The following PPP3CA variants were observed in gnomAD, a reference collection of about 807,000 sequenced individuals.
PPP3CA encodes CAM-PRP catalytic subunit.
PPP3CA carries 14 observed loss-of-function variants against 66.5 expected under a neutral mutation model. That is an observed-to-expected ratio of 0.21 (90% CI 0.14 to 0.33). The LOEUF (loss-of-function observed/expected upper bound fraction) is 0.33. Among genes scored for constraint, PPP3CA ranks in the 10% least tolerant of loss-of-function variants. The probability of loss-of-function intolerance (pLI) is 1.00; values close to 1 mark genes in which losing one functional copy is unlikely to be tolerated. For synonymous variants in PPP3CA, 232 were observed against 226.2 expected, an observed-to-expected ratio of 1.03 and a Z score of -0.23; for missense variants, 317 against 639.5, an observed-to-expected ratio of 0.50 and a Z score of 5.44.
chr4:101,304,747 A>T (rs1029106518), intron 1 of PPP3CA, among the ~76,000 whole-genome samples: 1 of 152,236 alleles, frequency 6.6e-6, no homozygotes, highest in Non-Finnish European at 1.5e-5. Context: ...TAAAACTTCT[A>T]TTCAATTATT....
At chr4:101,330,739 C>A (rs951010900) in intron 1 of PPP3CA, among the ~76,000 whole-genome samples, 1 of 151,918 alleles carries the variant, frequency 6.6e-6, no homozygotes, top group South Asian at 2.1e-4. Context: ...AAAAAGGCAA[C>A]GTCTACAAAA....
Position 101,340,613 on chromosome 4 carries a change from A to T in PPP3CA, c.58+6126T>A, listed in dbSNP as rs1032702915. Among the ~76,000 whole-genome samples the T allele has an allele frequency of 3.3e-5, 5 of 152,228 alleles. No homozygotes were observed. In the East Asian group the frequency reaches 9.6e-4, roughly 29 times the overall value. On this transcript the variant is annotated intron_variant, in intron 1 of 13. Transcript: ENST00000394854. ...TGAAATATAATTGATGGATTCATAT[A>T]AAAGATGGAATTATTGTAAAATAAA...
At chr4:101,193,437 C>T (rs1166949490) in intron 2 of PPP3CA, among the ~76,000 whole-genome samples, 1 of 152,032 alleles carries the variant, frequency 6.6e-6, no homozygotes. Context: ...AATTAAAAAT[C>T]TGAAACAGCT....
At chr4:101,117,285 C>A (rs905612805) in intron 2 of PPP3CA, among the ~76,000 whole-genome samples, 2 of 151,966 alleles carry the variant, frequency 1.3e-5, no homozygotes, top group East Asian at 3.9e-4. Flanking sequence ...GGAAACAAAA[C>A]AGAATAGTCT....
At chr4:101,054,400 C>G (rs1170028390) in intron 10 of PPP3CA, among the ~76,000 whole-genome samples, 1 of 152,034 alleles carries the variant, frequency 6.6e-6, no homozygotes, top group Admixed American at 6.6e-5. Context: ...GATTCTGTGA[C>G]TATTTGAAAG....
chr4:101,305,380 C>T (rs1387340514), intron 1 of PPP3CA, among the ~76,000 whole-genome samples: 1 of 152,140 alleles, frequency 6.6e-6, no homozygotes, highest in Non-Finnish European at 1.5e-5. Context: ...TTTGAAAGTA[C>T]CACACAGTGT....
chr4:101,075,540 G>A (rs1391755609), intron 8 of PPP3CA, among the ~76,000 whole-genome samples: 1 of 152,142 alleles, frequency 6.6e-6, no homozygotes, highest in Non-Finnish European at 1.5e-5. Flanking sequence ...TGTACCACAT[G>A]GAAACCTACT....
chr4:101,238,079 C>T (rs1726183084), intron 1 of PPP3CA, among the ~76,000 whole-genome samples: 1 of 152,048 alleles, frequency 6.6e-6, no homozygotes, highest in Non-Finnish European at 1.5e-5. Flanking sequence ...ATCTTACATT[C>T]TGTTTCTCGG....
At position 101,278,122 on chromosome 4, in the gene PPP3CA, T is replaced by TAAAAAAAAAAAAAAAAA. The variant is rs3077992; in HGVS notation, c.58+68600_58+68616dup. 1.4e-3 allele frequency among the ~76,000 whole-genome samples: 152 copies of TAAAAAAAAAAAAAAAAA among 112,090 alleles called. 1 individual carries two copies. The highest frequency in any genetic ancestry group is 6.2e-3 in the African/African-American group (141 of 22,606). 73.5% of individuals were successfully genotyped at this position (112,090 alleles called of 152,430 possible). On this transcript the variant is annotated intron_variant, in intron 1 of 13. Coordinates refer to ENST00000394854, the MANE Select transcript of PPP3CA (RefSeq NM_000944.5). ...AAAATGAAACTTTAAAAGCTATTAG[T>TAAAAAAAAAAAAAAAAA]AAAAAAAAAAAAAAAAATAAAAAAA...
intron 2 of PPP3CA, among the ~76,000 whole-genome samples, chr4:101,112,970 C>A (rs1721722261): frequency 6.6e-6 from 1 of 152,066 alleles, no homozygotes; most frequent in Admixed American, 6.6e-5. Flanking sequence ...CTACGCTATG[C>A]TTAATTTGAA....
intron 1 of PPP3CA, among the ~76,000 whole-genome samples, chr4:101,276,536 A>G (rs1196246556): frequency 6.6e-6 from 1 of 152,104 alleles, no homozygotes; most frequent in Non-Finnish European, 1.5e-5. Context: ...TTTCCTCACT[A>G]GCTTTTCCCC....
chr4:101,189,331 T>C (rs1270929136), intron 2 of PPP3CA, among the ~76,000 whole-genome samples: 1 of 152,132 alleles, frequency 6.6e-6, no homozygotes, highest in Non-Finnish European at 1.5e-5. Context: ...AAAACCATAA[T>C]GCATGTTTAT....
chr4:101,108,472 A>G (rs1466108862), intron 3 of PPP3CA, among the ~76,000 whole-genome samples: 2 of 152,248 alleles, frequency 1.3e-5, no homozygotes, highest in African/African-American at 4.8e-5. Context: ...CTATTAAAAA[A>G]TATGGGAATC....
At chr4:101,314,039 AT>A (rs1294068859) in intron 1 of PPP3CA, among the ~76,000 whole-genome samples, 1 of 152,212 alleles carries the variant, frequency 6.6e-6, no homozygotes, top group Non-Finnish European at 1.5e-5. Context: ...CTGTCAAATA[AT>A]TTTAAAAGAA....
intron 2 of PPP3CA, among the ~76,000 whole-genome samples, chr4:101,116,474 G>A (rs1458121737): frequency 6.6e-6 from 1 of 151,748 alleles, no homozygotes; most frequent in Non-Finnish European, 1.5e-5. Flanking sequence ...GAAAGATTTT[G>A]TTTAGAGGTT....
chr4:101,093,402 A>AT (rs1364877871), intron 6 of PPP3CA, among the ~76,000 whole-genome samples: 3 of 142,898 alleles, frequency 2.1e-5, no homozygotes, highest in South Asian at 4.8e-4. Context: ...AGGTATGTAC[A>AT]TTTGTTTTTT....
chr4:101,189,929 C>T (rs1314491685), intron 2 of PPP3CA, among the ~76,000 whole-genome samples: 2 of 151,840 alleles, frequency 1.3e-5, no homozygotes, highest in Non-Finnish European at 2.9e-5. Context: ...CATTATAGTC[C>T]ATACATGTTA....
Position 101,080,634 on chromosome 4 carries a change from G to C in PPP3CA, c.861-8C>G. 6.9e-7 allele frequency: 1 copy of C among 1,445,396 alleles called. No individual in the cohort carries two copies. Among genetic ancestry groups the C allele is most frequent in the Non-Finnish European group, 9.3e-7 (1 of 1,071,492 alleles). 89.5% of individuals were successfully genotyped at this position (1,445,396 alleles called of 1,614,324 possible). On this transcript the variant is annotated splice_polypyrimidine_tract_variant and splice_region_variant and intron_variant, in intron 7 of 13. Coordinates refer to ENST00000394854, the MANE Select transcript of PPP3CA (RefSeq NM_000944.5). ...TTCCTGTACATGCGGTACCTAAAAA[G>C]AACAAATACAGTCAAAACAAAGCTT...
intron 2 of PPP3CA, among the ~76,000 whole-genome samples, chr4:101,155,180 C>A (rs1723278748): frequency 6.6e-6 from 1 of 152,148 alleles, no homozygotes; most frequent in African/African-American, 2.4e-5. Flanking sequence ...AACAAAAAAA[C>A]TACCTTAATC....
Sources: allele counts gnomAD v4.1 joint callset (sites outside exome capture counted in the v4.1 genomes callset), GRCh38; gene constraint gnomAD v4.1.1; transcripts MANE v1.5; gene names NCBI Gene and HGNC (gene_info 2026-07-23, HGNC 2026-07-21).